The following KCNB2 variants were observed in gnomAD, a reference collection of about 807,000 sequenced individuals.
The protein encoded by KCNB2 is potassium voltage-gated channel subfamily B member 2, also known as delayed rectifier potassium channel protein.
A neutral mutation model predicts 61.5 loss-of-function variants in KCNB2; 15 were observed. The ratio of observed to expected loss-of-function variants is 0.24; its 90% CI spans 0.16 to 0.38. The LOEUF is 0.38. KCNB2 is among the 10% of genes least tolerant of loss of function. The pLI is 1.00. For missense variants in KCNB2, 828 were observed against 1,125.2 expected (o/e 0.74, Z 3.78); for synonymous variants, 457 against 446.0 (o/e 1.02, Z -0.31).
chr8:72,641,204 G>C (rs962571738), intron 2 of KCNB2, among the ~76,000 whole-genome samples: 1 of 152,022 alleles, frequency 6.6e-6, no homozygotes, highest in African/African-American at 2.4e-5. Context: ...ATTTGGGAAT[G>C]ATTATTTTGG....
chr8:72,661,419 T>A (rs1468538612), intron 2 of KCNB2: 2 of 152,234 alleles, frequency 1.3e-5, no homozygotes, highest in African/African-American at 4.8e-5. Context: ...TATATCCAAT[T>A]CCACATGTCC....
chr8:72,910,263 T>C (rs929991479), intron 2 of KCNB2, among the ~76,000 whole-genome samples: 2 of 152,170 alleles, frequency 1.3e-5, no homozygotes, highest in Admixed American at 1.3e-4. Context: ...CAATCTTTAT[T>C]GGTGGCAGTG....
At chr8:72,733,479 C>T (rs1441206967) in intron 2 of KCNB2, among the ~76,000 whole-genome samples, 1 of 152,094 alleles carries the variant, frequency 6.6e-6, no homozygotes, top group Non-Finnish European at 1.5e-5. Context: ...GGTTCAGAGT[C>T]TACTCTACCA....
At chr8:72,753,495 G>T (rs1179191498) in intron 2 of KCNB2, among the ~76,000 whole-genome samples, 2 of 152,208 alleles carry the variant, frequency 1.3e-5, no homozygotes, top group African/African-American at 4.8e-5. Flanking sequence ...CAGTTGGGTT[G>T]AGAGTTACAC....
At chr8:72,678,829 G>C (rs1806705362) in intron 2 of KCNB2, among the ~76,000 whole-genome samples, 1 of 152,188 alleles carries the variant, frequency 6.6e-6, no homozygotes, top group African/African-American at 2.4e-5. Context: ...TGAGGTTTCT[G>C]TACTTCATTC....
chr8:72,701,943 A>T (rs940380898), intron 2 of KCNB2, among the ~76,000 whole-genome samples: 2 of 152,198 alleles, frequency 1.3e-5, no homozygotes, highest in Non-Finnish European at 2.9e-5. Flanking sequence ...TGTTATCCAA[A>T]ACATTAACAA....
In KCNB2 at chr8:72,937,547, C is replaced by A. The variant is rs539044887; in HGVS notation, c.2192C>A (p.Pro731His). ...ENRGSAPQTP[P>H]STARPLPVTT... ...AGAGGCAGTGCACCACAGACCCCGC[C>A]CAGCACAGCCAGGCCACTGCCAGTC... Residue 731 changes from proline to histidine, a missense_variant, in exon 3 of 3, where the codon CCC becomes CAC. Transcript: ENST00000523207. The A allele has an allele frequency of 1.2e-6, 2 of 1,613,824 alleles. No individual in the cohort carries two copies. Among genetic ancestry groups the A allele is most frequent in the African/African-American group, 2.7e-5 (2 of 74,874 alleles).
At chr8:72,894,867 G>A (rs1488048612) in intron 2 of KCNB2, among the ~76,000 whole-genome samples, 1 of 152,150 alleles carries the variant, frequency 6.6e-6, no homozygotes, top group African/African-American at 2.4e-5. Flanking sequence ...CAGACATGAT[G>A]GGGATAGATA....
chr8:72,756,755 G>A (rs1003210134), intron 2 of KCNB2, among the ~76,000 whole-genome samples: 1 of 152,172 alleles, frequency 6.6e-6, no homozygotes, highest in Non-Finnish European at 1.5e-5. Flanking sequence ...CAGCAGTAGT[G>A]ATGAAGAGGT....
intron 2 of KCNB2, among the ~76,000 whole-genome samples, chr8:72,675,691 T>TTG (rs1806642223): frequency 6.6e-6 from 1 of 152,062 alleles, no homozygotes; most frequent in African/African-American, 2.4e-5. Flanking sequence ...GTAGCTGGGA[T>TTG]TACAGGCACG....
intron 2 of KCNB2, among the ~76,000 whole-genome samples, chr8:72,776,438 A>G (rs985532812): frequency 6.6e-6 from 1 of 152,226 alleles, no homozygotes; most frequent in African/African-American, 2.4e-5. Flanking sequence ...GTGTTTTTAA[A>G]AACACATTGC....
intron 2 of KCNB2, among the ~76,000 whole-genome samples, chr8:72,701,028 G>C (rs927307068): frequency 6.6e-6 from 1 of 152,006 alleles, no homozygotes; most frequent in South Asian, 2.1e-4. Context: ...AAACATTTGG[G>C]TACCCATGAA....
At chr8:72,635,196 A>C (rs1805944107) in intron 2 of KCNB2, among the ~76,000 whole-genome samples, 2 of 152,158 alleles carry the variant, frequency 1.3e-5, no homozygotes, top group Non-Finnish European at 2.9e-5. Context: ...TCTGCTGGCA[A>C]GGCTGGATCC....
chr8:72,546,412 G>A (rs767130286), intron 1 of KCNB2, among the ~76,000 whole-genome samples: 3 of 151,990 alleles, frequency 2.0e-5, no homozygotes, highest in Non-Finnish European at 4.4e-5. Context: ...CAGCTACTTG[G>A]GAGGCTGAGG....
intron 2 of KCNB2, among the ~76,000 whole-genome samples, chr8:72,802,325 T>C (rs1473913307): frequency 6.6e-6 from 1 of 152,194 alleles, no homozygotes; most frequent in Admixed American, 6.5e-5. Context: ...ATCCATATAG[T>C]CACTGCTCTT....
chr8:72,914,514 G>A (rs1488876655), intron 2 of KCNB2, among the ~76,000 whole-genome samples: 1 of 152,140 alleles, frequency 6.6e-6, no homozygotes, highest in Non-Finnish European at 1.5e-5. Context: ...TTGTTTGAAT[G>A]CAATAGTTTA....
chr8:72,702,694 C>T lies in KCNB2; in HGVS notation c.579+134381C>T, dbSNP rs183947483. On this transcript the variant is annotated intron_variant, in intron 2 of 2. Transcript: ENST00000523207. ...AAAGTCAGCTTCCACCAGGAATCTG[C>T]TAGAAAAAAATAGTGGACTTGAGCT... Among the ~76,000 whole-genome samples the T allele has an allele frequency of 1.6e-4, 24 of 152,222 alleles. No individual in the cohort carries two copies. In the East Asian group the frequency reaches 4.4e-3, roughly 28 times the overall value.
At chr8:72,852,420 C>A (rs1024437463) in intron 2 of KCNB2, among the ~76,000 whole-genome samples, 2 of 152,152 alleles carry the variant, frequency 1.3e-5, no homozygotes, top group Admixed American at 1.3e-4. Flanking sequence ...TACTCATCAG[C>A]AGTATTTCAT....
intron 2 of KCNB2, among the ~76,000 whole-genome samples, chr8:72,793,968 G>A (rs186632257): frequency 6.6e-6 from 1 of 152,318 alleles, no homozygotes; most frequent in African/African-American, 2.4e-5. Flanking sequence ...TTGAAGGCCA[G>A]GGTAAGGACG....
Sources: gnomAD v4.1 joint callset for allele counts (sites outside exome capture counted in the v4.1 genomes callset) on GRCh38, gnomAD v4.1.1 for gene constraint, MANE v1.5 for transcripts, NCBI Gene and HGNC (gene_info 2026-07-23, HGNC 2026-07-21) for gene names.